Variants in HSD17B12 observed in about 807,000 individuals in gnomAD.
HSD17B12 encodes the protein hydroxysteroid 17-beta dehydrogenase 12, also known as very-long-chain 3-oxoacyl-CoA reductase.
In HSD17B12, 32 loss-of-function variants were observed where a neutral mutation model predicts 39.3. The observed-to-expected ratio is 0.81, with a 90% confidence interval of 0.61 to 1.09. HSD17B12 has a LOEUF of 1.09. HSD17B12 is among the 50% of genes least tolerant of loss of function. The pLI, the probability that HSD17B12 is intolerant of heterozygous loss-of-function variation, is 0.00. For missense variants in HSD17B12, 342 were observed against 382.9 expected (o/e 0.89, Z 0.89); for synonymous variants, 150 against 146.7 (o/e 1.02, Z -0.16).
chr11:43,726,130 C>T (rs1950218172), intron 1 of HSD17B12, among the ~76,000 whole-genome samples: 1 of 152,134 alleles, frequency 6.6e-6, no homozygotes, highest in East Asian at 1.9e-4. Flanking sequence ...TTACGTAATG[C>T]TAATTAGGTA....
chr11:43,736,327 C>T (rs1950316346), intron 1 of HSD17B12, among the ~76,000 whole-genome samples: 1 of 151,664 alleles, frequency 6.6e-6, no homozygotes, highest in Non-Finnish European at 1.5e-5. Flanking sequence ...CCTATAGATG[C>T]TTTGAATTTT....
At chr11:43,728,512 C>T (rs974064026) in intron 1 of HSD17B12, among the ~76,000 whole-genome samples, 1 of 152,060 alleles carries the variant, frequency 6.6e-6, no homozygotes, top group Admixed American at 6.5e-5. Flanking sequence ...TTATATTCCT[C>T]TACCTAGAGG....
At chr11:43,799,397 C>G (rs1196557014) in intron 4 of HSD17B12, among the ~76,000 whole-genome samples, 3 of 152,010 alleles carry the variant, frequency 2.0e-5, no homozygotes, top group African/African-American at 7.2e-5. Context: ...AGTCTTATAC[C>G]CCTTTTGTTA....
intron 9 of HSD17B12, among the ~76,000 whole-genome samples, chr11:43,844,483 C>G (rs1241056739): frequency 6.6e-6 from 1 of 151,846 alleles, no homozygotes; most frequent in East Asian, 1.9e-4. Context: ...GAAGCACATT[C>G]TCAAGGAAAC....
chr11:43,620,618 T>C, the HSD17B12 span, among the ~76,000 whole-genome samples: 234 of 152,278 alleles, frequency 1.5e-3, no homozygotes, highest in Non-Finnish European at 2.5e-3. Flanking sequence ...TTACTAGTTC[T>C]GTGTAAACCA....
chr11:43,642,482 A>G, the HSD17B12 span, among the ~76,000 whole-genome samples: 1 of 151,830 alleles, frequency 6.6e-6, no homozygotes, highest in Non-Finnish European at 1.5e-5. Flanking sequence ...AATGGAAAAT[A>G]TAATCTTATA....
At chr11:43,567,373 G>A in the HSD17B12 span, among the ~76,000 whole-genome samples, 1 of 152,140 alleles carries the variant, frequency 6.6e-6, no homozygotes, top group Non-Finnish European at 1.5e-5. Flanking sequence ...TTGAACCTCG[G>A]CATGGGACTC....
At chr11:43,762,572 A>G (rs1950563841) in intron 3 of HSD17B12, among the ~76,000 whole-genome samples, 1 of 152,246 alleles carries the variant, frequency 6.6e-6, no homozygotes, top group Non-Finnish European at 1.5e-5. Flanking sequence ...ACCTGTTAAT[A>G]AGACTGATGG....
chr11:43,852,132 C>T (rs1951538033), intron 9 of HSD17B12: 1 of 152,204 alleles, frequency 6.6e-6, no homozygotes, highest in African/African-American at 2.4e-5. Flanking sequence ...CATAACCCAA[C>T]TTGGAATTCC....
At chr11:43,635,882 T>C in the HSD17B12 span, among the ~76,000 whole-genome samples, 6 of 152,216 alleles carry the variant, frequency 3.9e-5, no homozygotes, top group Non-Finnish European at 7.3e-5. Context: ...TGGGATAGCA[T>C]TTGTTTATCA....
intron 1 of HSD17B12, among the ~76,000 whole-genome samples, chr11:43,731,156 C>A (rs1433820252): frequency 6.6e-6 from 1 of 152,080 alleles, no homozygotes; most frequent in Non-Finnish European, 1.5e-5. Context: ...ACCACCCCGC[C>A]CAGCTGATAT....
At chr11:43,692,576 T>C (rs1293712885) in intron 1 of HSD17B12, among the ~76,000 whole-genome samples, 1 of 152,234 alleles carries the variant, frequency 6.6e-6, no homozygotes, top group African/African-American at 2.4e-5. Flanking sequence ...TTCCCAAATC[T>C]TTACAAAATT....
At chr11:43,700,471 A>G (rs1001888975) in intron 1 of HSD17B12, among the ~76,000 whole-genome samples, 1 of 151,302 alleles carries the variant, frequency 6.6e-6, no homozygotes, top group Admixed American at 6.6e-5. Context: ...AACCATCCGC[A>G]CCTCCCTCCC....
At chr11:43,795,447 G>A (rs1218505366) in intron 3 of HSD17B12, among the ~76,000 whole-genome samples, 1 of 152,158 alleles carries the variant, frequency 6.6e-6, no homozygotes, top group Non-Finnish European at 1.5e-5. Context: ...TTGATTCACA[G>A]AACTCGATGG....
At chr11:43,605,758 A>G in the HSD17B12 span, among the ~76,000 whole-genome samples, 2 of 152,200 alleles carry the variant, frequency 1.3e-5, no homozygotes, top group Admixed American at 1.3e-4. Flanking sequence ...AAAGTGCTAT[A>G]TAAACGTAAA....
At chr11:43,633,430 G>C in the HSD17B12 span, among the ~76,000 whole-genome samples, 1 of 152,150 alleles carries the variant, frequency 6.6e-6, no homozygotes, top group African/African-American at 2.4e-5. Context: ...TACTTGGGAG[G>C]CTGAGGCAGG....
chr11:43,760,526 A>G (rs761663044), intron 3 of HSD17B12, among the ~76,000 whole-genome samples: 1 of 152,158 alleles, frequency 6.6e-6, no homozygotes, highest in East Asian at 1.9e-4. Context: ...TTGAAATGCA[A>G]TGCTTTTTTA....
chr11:43,558,712 T>C, the HSD17B12 span, among the ~76,000 whole-genome samples: 2 of 151,976 alleles, frequency 1.3e-5, no homozygotes, highest in South Asian at 4.2e-4. Context: ...GGGGATGTAA[T>C]TCTGAAGGAG....
chr11:43,632,494 T>C, the HSD17B12 span, among the ~76,000 whole-genome samples: 1 of 152,218 alleles, frequency 6.6e-6, no homozygotes, highest in African/African-American at 2.4e-5. Flanking sequence ...TAGATCACCA[T>C]GGATCCTTTA....
Sources: allele counts gnomAD v4.1 joint callset (sites outside exome capture counted in the v4.1 genomes callset), GRCh38; gene constraint gnomAD v4.1.1; transcripts MANE v1.5; gene names NCBI Gene and HGNC (gene_info 2026-07-23, HGNC 2026-07-21).